Variants in KCNU1 observed in about 807,000 individuals in gnomAD.
The protein encoded by KCNU1 is potassium channel subfamily U member 1.
Under a neutral mutation model 126.8 loss-of-function variants are expected in KCNU1, and 93 were observed. That is an observed-to-expected ratio of 0.73 (90% confidence interval 0.62 to 0.87). The LOEUF is 0.87. Among genes scored for constraint, KCNU1 ranks in the 40% least tolerant of loss-of-function variants. The pLI, the probability that KCNU1 is intolerant of heterozygous loss-of-function variation, is 0.00. For missense variants in KCNU1, 1,330 were observed against 1,367.1 expected (o/e 0.97, Z 0.43); for synonymous variants, 523 against 494.2 (o/e 1.06, Z -0.77).
At chr8:36,786,578 T>C (rs903242571) in intron 1 of KCNU1, among the ~76,000 whole-genome samples, 34 of 152,124 alleles carry the variant, frequency 2.2e-4, no homozygotes, top group African/African-American at 7.7e-4. Flanking sequence ...TCCTAGTTGG[T>C]TTGTGTATTT....
chr8:36,902,900 A>G (rs1257688668), intron 19 of KCNU1, among the ~76,000 whole-genome samples: 1 of 152,148 alleles, frequency 6.6e-6, no homozygotes, highest in Non-Finnish European at 1.5e-5. Flanking sequence ...AGACATGTTA[A>G]TTTGAATGAA....
At chr8:36,823,208 A>G (rs2130499872) in intron 10 of KCNU1, among the ~76,000 whole-genome samples, 1 of 152,302 alleles carries the variant, frequency 6.6e-6, no homozygotes, top group South Asian at 2.1e-4. Context: ...AAGTAATGCC[A>G]AACAGTACAT....
At chr8:36,888,691 T>G (rs1490977967) in intron 19 of KCNU1, 2 of 534,584 alleles carry the variant, frequency 3.7e-6, no homozygotes, top group Non-Finnish European at 7.7e-6. Context: ...CTAGTGTTGA[T>G]ATTGTTACAA....
At chr8:36,898,389 G>A (rs1378131825) in intron 19 of KCNU1, among the ~76,000 whole-genome samples, 2 of 151,860 alleles carry the variant, frequency 1.3e-5, no homozygotes, top group African/African-American at 4.8e-5. Flanking sequence ...GGTTATTAAT[G>A]TTAATAATTT....
chr8:36,905,460 CAAA>C (rs200274541), intron 19 of KCNU1, among the ~76,000 whole-genome samples: 5 of 145,362 alleles, frequency 3.4e-5, no homozygotes, highest in African/African-American at 1.3e-4. Flanking sequence ...TAATCTAAGG[CAAA>C]AAAAAAAAAA....
At chr8:36,791,719 G>GT in intron 2 of KCNU1, among the ~76,000 whole-genome samples, 1 of 152,036 alleles carries the variant, frequency 6.6e-6, no homozygotes, top group African/African-American at 2.4e-5. Flanking sequence ...TTATTTTGCT[G>GT]TTTTTTGCTC....
rs868383882 is a variant in KCNU1 at position 36,880,251 on chromosome 8, A to G, written c.2009+15730A>G. ...GATTGGCAGCTTGATAAATACGTCT[A>G]TTGGCGATGATTTGGATTGCTCTGG... On this transcript the variant is annotated intron_variant, in intron 19 of 26. Transcript: ENST00000399881. 3.9e-5 allele frequency among the ~76,000 whole-genome samples: 6 copies of G among 152,140 alleles called. 1 individual carries two copies. The South Asian group carries it at 1.2e-3, about 31-fold the overall frequency.
chr8:36,841,961 T>C (rs1804972983), intron 16 of KCNU1, among the ~76,000 whole-genome samples: 1 of 150,130 alleles, frequency 6.7e-6, no homozygotes, highest in Non-Finnish European at 1.5e-5. Context: ...TACTATAATA[T>C]AGAGAAAAAG....
At position 36,935,891 on chromosome 8, in the gene KCNU1, G is replaced by A. The variant is rs932076241; in HGVS notation, c.3421G>A (p.Asp1141Asn). 2 of 1,604,018 alleles carry A rather than the reference G, an allele frequency of 1.2e-6. No homozygotes were observed. The highest frequency in any genetic ancestry group is 1.7e-6 in the Non-Finnish European group (2 of 1,175,194). Residue 1141 changes from aspartate to asparagine, a missense_variant, in exon 27 of 27, where the codon GAT becomes AAT. Physicochemically the swap from Asp to Asn is conservative, Grantham distance 23 (BLOSUM62 1). Around this residue, in one of 3 missense-constraint regions of KCNU1, gnomAD observed 1,054 missense variants for 1,053.9 expected, o/e 1.00. Transcript: ENST00000399881. The stretch of plus-strand genomic sequence containing the variant: ...AACTTCAGATGAGGTTTATGATGAG[G>A]ATCCCTTTGCATATTCAGAGCCACT... ...RKTSDEVYDE[D>N]PFAYSEPL
chr8:36,921,181 G>C (rs571383716), intron 23 of KCNU1, among the ~76,000 whole-genome samples: 1 of 152,140 alleles, frequency 6.6e-6, no homozygotes, highest in African/African-American at 2.4e-5. Context: ...AGCAATAACA[G>C]CAGCCACAGT....
chr8:36,829,440 T>C (rs1041203824), intron 10 of KCNU1, among the ~76,000 whole-genome samples: 2 of 151,836 alleles, frequency 1.3e-5, no homozygotes, highest in Non-Finnish European at 1.5e-5. Context: ...GAATTTTTTG[T>C]AGAGTAACGA....
At chr8:36,796,031 A>C (rs879264831) in intron 2 of KCNU1, among the ~76,000 whole-genome samples, 3 of 152,146 alleles carry the variant, frequency 2.0e-5, no homozygotes, top group Non-Finnish European at 2.9e-5. Context: ...TTTTCCTCTG[A>C]GTACTTCTTT....
At chr8:36,858,633 AAT>A (rs1327793369) in intron 18 of KCNU1, among the ~76,000 whole-genome samples, 1 of 152,114 alleles carries the variant, frequency 6.6e-6, no homozygotes, top group Non-Finnish European at 1.5e-5. Context: ...TGCAAACAAA[AAT>A]GTTTTATAAA....
At position 36,805,210 on chromosome 8, in the gene KCNU1, T is replaced by C. The variant is rs752958169; in HGVS notation, c.393T>C (p.Cys131=). 5 of 1,610,158 alleles carry C rather than the reference T, an allele frequency of 3.1e-6. No individual in the cohort carries two copies. In the South Asian group the frequency reaches 5.5e-5, roughly 18 times the overall value. Reference sequence around the variant, plus strand: ...TCTTTTCCAGCCCTGTTGGAAGCTGTTCATCATATGAAGACAAAACCATTC... The same window carrying C: ...TCTTTTCCAGCCCTGTTGGAAGCTGCTCATCATATGAAGACAAAACCATTC... The part of the protein sequence containing the change: ...FINSADPVGS[C]SSYEDKTIPI... The change falls in exon 4 of 27, where the codon TGT becomes TGC. Residue 131 remains cysteine (C), a synonymous_variant. Transcript: ENST00000399881.
chr8:36,829,131 T>C (rs1187876147), intron 10 of KCNU1, among the ~76,000 whole-genome samples: 3 of 152,084 alleles, frequency 2.0e-5, no homozygotes, highest in African/African-American at 7.2e-5. Flanking sequence ...GTGATTTTTG[T>C]TATTTAATTT....
At chr8:36,901,661 G>T (rs1054935306) in intron 19 of KCNU1, among the ~76,000 whole-genome samples, 2 of 152,116 alleles carry the variant, frequency 1.3e-5, no homozygotes, top group Non-Finnish European at 2.9e-5. Context: ...GCTGGAGATG[G>T]GACCCTGAGA....
intron 19 of KCNU1, among the ~76,000 whole-genome samples, chr8:36,902,930 C>G (rs956627654): frequency 2.0e-5 from 3 of 152,092 alleles, no homozygotes; most frequent in African/African-American, 7.2e-5. Flanking sequence ...CCATTTTGGT[C>G]AAGCTGACCT....
intron 19 of KCNU1, among the ~76,000 whole-genome samples, chr8:36,887,020 A>G (rs1396242170): frequency 6.6e-6 from 1 of 152,082 alleles, no homozygotes; most frequent in Non-Finnish European, 1.5e-5. Flanking sequence ...GTGTATATAT[A>G]CCACGTTTTC....
rs147438431 is a variant in KCNU1, at chr8:36,814,082, T to G, written c.733-125T>G. 525 of 690,992 alleles carry G rather than the reference T, an allele frequency of 7.6e-4. 2 individuals are homozygous for G. The African/African-American group carries it at 8.3e-3, about 11-fold the overall frequency. 42.8% of individuals were successfully genotyped at this position (690,992 alleles called of 1,614,324 possible). ...TTTATGTAAACTCTTCATAGCAACC[T>G]GAAAGCCATTTGGTATTTCATTTGG... On this transcript the variant is annotated intron_variant, in intron 7 of 26. Transcript: ENST00000399881.
Sources: allele counts gnomAD v4.1 joint callset (sites outside exome capture counted in the v4.1 genomes callset), GRCh38; gene constraint gnomAD v4.1.1; regional missense constraint gnomAD v4.1.1; transcripts MANE v1.5; gene names NCBI Gene and HGNC (gene_info 2026-07-23, HGNC 2026-07-21).